Variants in CNTN5 observed in about 807,000 individuals in gnomAD.
CNTN5 encodes contactin 5.
In CNTN5, 77 loss-of-function variants were observed where a neutral mutation model predicts 129.1. The ratio of observed to expected loss-of-function variants is 0.60; its 90% CI spans 0.50 to 0.72. The LOEUF (loss-of-function observed/expected upper bound fraction) is 0.72. Ranked by LOEUF, CNTN5 falls within the 30% of genes least tolerant of loss-of-function variation. The probability of loss-of-function intolerance (pLI) is 0.00; values close to 1 mark genes in which losing one functional copy is unlikely to be tolerated. For missense variants in CNTN5, 1,478 were observed against 1,328.8 expected (o/e 1.11, Z -1.75); for synonymous variants, 509 against 465.6 (o/e 1.09, Z -1.20).
chr11:100,179,782 G>A (rs930811252), intron 13 of CNTN5, among the ~76,000 whole-genome samples: 8 of 151,934 alleles, frequency 5.3e-5, no homozygotes, highest in African/African-American at 1.9e-4. Context: ...AATCAAATTT[G>A]CATTTACATA....
Position 100,271,097 on chromosome 11 carries a change from G to A in CNTN5, c.2170G>A (p.Glu724Lys), listed in dbSNP as rs750304880. The change falls in exon 18 of 25, where the codon GAA becomes AAA. Residue 724 changes from glutamate (E) to lysine (K), a missense_variant. Coordinates refer to ENST00000524871, the MANE Select transcript of CNTN5 (RefSeq NM_014361.4). Reference sequence around the variant, plus strand: ...AATTTCCTTCCTTTCTATAGTCCCAGAAATCATAACAGGGGACATGGAGTC... The same window carrying A: ...AATTTCCTTCCTTTCTATAGTCCCAAAAATCATAACAGGGGACATGGAGTC... ...LGWQTVKTVP[E>K]IITGDMESAM... is the part of the protein sequence containing the mutation. 14 of 1,598,648 alleles carry A rather than the reference G, an allele frequency of 8.8e-6. No individual in the cohort carries two copies. In the South Asian group the frequency reaches 1.0e-4, roughly 12 times the overall value.
At chr11:99,457,931 C>A (rs891661213) in intron 2 of CNTN5, among the ~76,000 whole-genome samples, 35 of 151,692 alleles carry the variant, frequency 2.3e-4, no homozygotes, top group Non-Finnish European at 1.3e-4. Flanking sequence ...TCTTGAAATT[C>A]TTTTGTTGAC....
intron 1 of CNTN5, among the ~76,000 whole-genome samples, chr11:99,108,313 T>A (rs949483511): frequency 6.6e-6 from 1 of 152,182 alleles, no homozygotes; most frequent in Non-Finnish European, 1.5e-5. Context: ...AAGCTGCCCC[T>A]AAGATAAAAT....
chr11:99,851,702 G>A (rs1947879122), intron 6 of CNTN5, among the ~76,000 whole-genome samples: 1 of 152,192 alleles, frequency 6.6e-6, no homozygotes, highest in African/African-American at 2.4e-5. Flanking sequence ...AGCGCATTTA[G>A]TGATTTAGAT....
intron 2 of CNTN5, among the ~76,000 whole-genome samples, chr11:99,512,027 T>G (rs1381044976): frequency 6.6e-6 from 1 of 152,078 alleles, no homozygotes; most frequent in Non-Finnish European, 1.5e-5. Flanking sequence ...AGATTTTAAA[T>G]AAATTTAGTG....
At chr11:100,003,616 A>G (rs1940011352) in intron 9 of CNTN5, among the ~76,000 whole-genome samples, 1 of 152,202 alleles carries the variant, frequency 6.6e-6, no homozygotes, top group Admixed American at 6.5e-5. Flanking sequence ...TCCCCAGGCA[A>G]GCTTATTTAA....
intron 3 of CNTN5, among the ~76,000 whole-genome samples, chr11:99,731,177 C>G: frequency 6.6e-6 from 1 of 151,600 alleles, no homozygotes; most frequent in Non-Finnish European, 1.5e-5. Context: ...GGCGCGATCT[C>G]GGCTCACTGC....
intron 3 of CNTN5, among the ~76,000 whole-genome samples, chr11:99,720,766 A>C (rs992569065): frequency 1.3e-5 from 2 of 152,166 alleles, no homozygotes; most frequent in Admixed American, 1.3e-4. Context: ...CTTGGACAAA[A>C]GCTCCTTCAG....
At chr11:99,626,170 G>C (rs184624924) in intron 3 of CNTN5, among the ~76,000 whole-genome samples, 1 of 151,988 alleles carries the variant, frequency 6.6e-6, no homozygotes, top group African/African-American at 2.4e-5. Flanking sequence ...CATGCACAGA[G>C]GGTGACATTG....
chr11:100,169,635 G>A (rs113408141), intron 13 of CNTN5, among the ~76,000 whole-genome samples: 1 of 152,062 alleles, frequency 6.6e-6, no homozygotes, highest in Non-Finnish European at 1.5e-5. Flanking sequence ...CCACAGTATA[G>A]TATAACAATA....
In CNTN5 at chr11:99,558,043, T is replaced by C. The variant is rs74978462; in HGVS notation, c.55+1774T>C. Among the ~76,000 whole-genome samples the C allele has an allele frequency of 8.9e-4, 135 of 151,966 alleles. 3 individuals are homozygous for C. In the East Asian group the frequency reaches 0.017, roughly 19 times the overall value. On this transcript the variant is annotated intron_variant, in intron 3 of 24. Coordinates refer to ENST00000524871, the MANE Select transcript of CNTN5 (RefSeq NM_014361.4). ...ATAAGAGACATGCAAGGAAAAAGGA[T>C]ACCTCTATAAAAAGTTGGTAGAGAC...
chr11:100,071,974 T>C (rs1943940271), intron 12 of CNTN5, 140 bp downstream of exon 12: 1 of 777,180 alleles, frequency 1.3e-6, no homozygotes, highest in African/African-American at 1.8e-5. Flanking sequence ...GTCTTGCTGA[T>C]TTTTTTTAAC....
chr11:99,506,794 CT>C, intron 2 of CNTN5, among the ~76,000 whole-genome samples: 1 of 152,128 alleles, frequency 6.6e-6, no homozygotes, highest in Admixed American at 6.6e-5. Flanking sequence ...AATGTAAAGT[CT>C]AACAAAGTCA....
chr11:100,057,385 T>G (rs1197048094), intron 9 of CNTN5, among the ~76,000 whole-genome samples: 1 of 151,404 alleles, frequency 6.6e-6, no homozygotes, highest in Non-Finnish European at 1.5e-5. Flanking sequence ...TCTGTCATAG[T>G]CAATCATTTA....
At chr11:100,180,682 TA>T (rs1161596372) in intron 13 of CNTN5, among the ~76,000 whole-genome samples, 1 of 151,828 alleles carries the variant, frequency 6.6e-6, no homozygotes, top group Non-Finnish European at 1.5e-5. Flanking sequence ...GTAAAAAGGA[TA>T]AAAGGTAAGC....
intron 13 of CNTN5, among the ~76,000 whole-genome samples, chr11:100,084,140 A>C (rs1773511841): frequency 6.6e-6 from 1 of 152,172 alleles, no homozygotes; most frequent in Admixed American, 6.5e-5. Context: ...CAGTTACTAT[A>C]AATTGCTTCA....
intron 18 of CNTN5, among the ~76,000 whole-genome samples, chr11:100,273,848 T>A (rs954182696): frequency 6.6e-6 from 1 of 152,242 alleles, no homozygotes; most frequent in Admixed American, 6.5e-5. Flanking sequence ...ACCATTGACA[T>A]TCTTCACTGA....
At position 99,581,829 on chromosome 11, in the gene CNTN5, A is replaced by C. The variant is rs536792026; in HGVS notation, c.55+25560A>C. Among the ~76,000 whole-genome samples, 116 of 152,278 alleles carry C rather than the reference A, an allele frequency of 7.6e-4. 3 individuals carry two copies. The highest frequency in any genetic ancestry group is 2.6e-3 in the African/African-American group (109 of 41,550). On this transcript the variant is annotated intron_variant, in intron 3 of 24. Coordinates refer to ENST00000524871, the MANE Select transcript of CNTN5 (RefSeq NM_014361.4). ...TGGAGCATTTAGCCCATTTACATTT[A>C]AGGTTATTATTGTTATATGTGAATT...
chr11:99,249,206 G>A (rs1861975026), intron 1 of CNTN5, among the ~76,000 whole-genome samples: 1 of 152,042 alleles, frequency 6.6e-6, no homozygotes, highest in Admixed American at 6.6e-5. Flanking sequence ...GGATTCCTAG[G>A]TATTTTATTC....
Sources: allele counts gnomAD v4.1 joint callset (sites outside exome capture counted in the v4.1 genomes callset), GRCh38; gene constraint gnomAD v4.1.1; transcripts MANE v1.5; gene names NCBI Gene and HGNC (gene_info 2026-07-23, HGNC 2026-07-21).